FAM200B: variants seen among roughly 807,000 people sequenced by gnomAD.
FAM200B encodes the protein zinc finger BED-type containing 11.
Under a neutral mutation model 33.1 loss-of-function variants are expected in FAM200B, and 32 were observed. The observed-to-expected ratio is 0.97, with a 90% CI of 0.73 to 1.30. The LOEUF (loss-of-function observed/expected upper bound fraction) is 1.30, where lower values mean the gene tolerates loss of function less well. FAM200B is among the 50% of genes most tolerant of loss of function. The pLI, the probability that FAM200B is intolerant of heterozygous loss-of-function variation, is 0.00. For missense variants in FAM200B, 741 were observed against 754.0 expected (o/e 0.98, Z 0.20); for synonymous variants, 240 against 264.8 (o/e 0.91, Z 0.91).
rs1553859871 is a variant in FAM200B at position 15,687,227 on chromosome 4, C to A, written c.250C>A (p.Pro84Thr). 6 of 1,542,578 alleles carry A rather than the reference C, an allele frequency of 3.9e-6. No homozygotes were observed. Among genetic ancestry groups the A allele is most frequent in the South Asian group, 1.2e-5 (1 of 81,592 alleles). The change falls in exon 2 of 2, where the codon CCT becomes ACT. Residue 84 changes from proline to threonine, a missense_variant. By Grantham distance (38) the Pro-to-Thr change is conservative. Transcript: ENST00000422728. ...TGAAAAACCCTTTGAAAATGACAGA[C>A]CTCAGTGTGTTATTTGTAATAATAT... ...KCEKPFENDR[P>T]QCVICNNILA...
At chr4:15,640,697 C>T in the FAM200B span, 3 of 610,022 alleles carry the variant, frequency 4.9e-6, no homozygotes, top group East Asian at 9.4e-5. Flanking sequence ...CCAGATACAT[C>T]TTCCTATGCA....
chr4:15,657,005 TAAG>T, the FAM200B span, among the ~76,000 whole-genome samples: 1 of 150,032 alleles, frequency 6.7e-6, no homozygotes, highest in Non-Finnish European at 1.5e-5. Context: ...CAGTCTGTCT[TAAG>T]AAGCAGGAAT....
chr4:15,662,943 C>G, the FAM200B span, among the ~76,000 whole-genome samples: 1 of 152,096 alleles, frequency 6.6e-6, no homozygotes, highest in Non-Finnish European at 1.5e-5. Context: ...ATAACTGACC[C>G]ATAAAACAAT....
At chr4:15,646,868 G>C in the FAM200B span, among the ~76,000 whole-genome samples, 2 of 151,834 alleles carry the variant, frequency 1.3e-5, no homozygotes, top group African/African-American at 2.4e-5. Context: ...TTTTTTTAAT[G>C]GCAAAAAGTA....
chr4:15,687,868 T>C lies in FAM200B; in HGVS notation c.891T>C (p.Asp297=). The change falls in exon 2 of 2, where the codon GAT becomes GAC. Residue 297 remains aspartate (D), a synonymous_variant. Transcript: ENST00000422728. ...AAAACTGTAAAGGAATTACAAGTGA[T>C]GGCACAGCAACCATGACTGGAAAAC... ...NWKNCKGITS[D]GTATMTGKHS... is the part of the protein sequence containing the mutation. The C allele has an allele frequency of 1.3e-6, 2 of 1,551,314 alleles. No homozygotes were observed. Among genetic ancestry groups the C allele is most frequent in the Non-Finnish European group, 1.7e-6 (2 of 1,146,756 alleles).
At chr4:15,664,550 C>CTT in the FAM200B span, among the ~76,000 whole-genome samples, 3,391 of 75,480 alleles carry the variant, frequency 0.045, 170 homozygotes, top group Non-Finnish European at 0.054. Flanking sequence ...GGCCCTCATC[C>CTT]TTTTTTTTTT....
rs1719276682 is a variant in FAM200B at position 15,690,386 on chromosome 4, C to G, written c.*1435C>G. 6.0e-6 allele frequency: 1 copy of G among 166,598 alleles called. No individual in the cohort carries two copies. The highest frequency in any genetic ancestry group is 1.5e-5 in the Non-Finnish European group (1 of 68,060). The allele number at this position is 166,598 out of a possible 1,614,324, so 10.3% of individuals were successfully genotyped here. ...TATTTAATTTTTCAGATTTTCTGTTCTATTGAAGGTAATTGATTTTTTCTT... is the reference window on the plus strand; with the variant it reads ...TATTTAATTTTTCAGATTTTCTGTTGTATTGAAGGTAATTGATTTTTTCTT... On this transcript the variant is annotated 3_prime_UTR_variant, in exon 2 of 2. Coordinates refer to ENST00000422728, the MANE Select transcript of FAM200B (RefSeq NM_001145191.2).
upstream of FAM200B, among the ~76,000 whole-genome samples, chr4:15,679,562 C>CAAAAAAAAAA (rs1202369624): frequency 1.1e-5 from 1 of 94,402 alleles, no homozygotes; most frequent in Non-Finnish European, 2.3e-5. Context: ...AGTTCAGGAA[C>CAAAAAAAAAA]AAAAAAAAAA....
chr4:15,687,885 C>T lies in FAM200B; in HGVS notation c.908C>T (p.Thr303Ile), dbSNP rs984640072. 1.6e-5 allele frequency: 25 copies of T among 1,550,890 alleles called. No individual in the cohort carries two copies. The highest frequency in any genetic ancestry group is 2.4e-5 in the South Asian group (2 of 84,006). Residue 303 changes from threonine to isoleucine, a missense_variant, in exon 2 of 2, where the codon ACT (threonine) becomes ATT (isoleucine). Transcript: ENST00000422728. ...ACAAGTGATGGCACAGCAACCATGA[C>T]TGGAAAACATAGCAGAGTAATTAAA... ...GITSDGTATM[T>I]GKHSRVIKKL...
At chr4:15,682,043 G>C (rs1166021152) in intron 1 of FAM200B, 142 bp downstream of exon 1, 2 of 152,334 alleles carry the variant, frequency 1.3e-5, no homozygotes, top group African/African-American at 4.8e-5. Context: ...AGCAATCCGG[G>C]CCTGAAGGGC....
chr4:15,643,324 G>C, the FAM200B span, among the ~76,000 whole-genome samples: 7 of 152,180 alleles, frequency 4.6e-5, no homozygotes, highest in Admixed American at 2.0e-4. Flanking sequence ...CTCCAGGTGA[G>C]GAGCACATGG....
the FAM200B span, among the ~76,000 whole-genome samples, chr4:15,663,226 A>G: frequency 6.6e-6 from 1 of 152,216 alleles, no homozygotes. Context: ...ATACATTGAT[A>G]ATAGTCATTC....
At chr4:15,654,551 G>A in the FAM200B span, among the ~76,000 whole-genome samples, 3 of 152,152 alleles carry the variant, frequency 2.0e-5, no homozygotes, top group African/African-American at 7.2e-5. Context: ...TAAGTGTTCA[G>A]GGCAATAAAA....
At chr4:15,663,789 C>A in the FAM200B span, among the ~76,000 whole-genome samples, 2 of 152,094 alleles carry the variant, frequency 1.3e-5, no homozygotes, top group Non-Finnish European at 2.9e-5. Flanking sequence ...TTCAGTAAGT[C>A]CAAAAGTGAA....
the FAM200B span, among the ~76,000 whole-genome samples, chr4:15,653,898 A>T: frequency 2.6e-5 from 4 of 152,246 alleles, no homozygotes; most frequent in East Asian, 7.7e-4. Context: ...TGACCTAGAC[A>T]TCAGGACTTC....
the FAM200B span, chr4:15,638,645 T>A: frequency 3.7e-6 from 6 of 1,612,308 alleles, no homozygotes; most frequent in Middle Eastern, 1.7e-4. Flanking sequence ...CTTTTTAATA[T>A]CCTTAAGCTC....
At chr4:15,651,619 C>T in the FAM200B span, among the ~76,000 whole-genome samples, 4 of 152,142 alleles carry the variant, frequency 2.6e-5, no homozygotes, top group Non-Finnish European at 5.9e-5. Context: ...TAAAGCTATA[C>T]TCACTCATTT....
intron 1 of FAM200B, among the ~76,000 whole-genome samples, chr4:15,683,798 A>G (rs1235789973): frequency 1.3e-5 from 2 of 152,190 alleles, no homozygotes; most frequent in African/African-American, 4.8e-5. Flanking sequence ...ATATAGTTGG[A>G]TAACTTATTT....
chr4:15,680,113 A>G (rs1342028429), upstream of FAM200B, among the ~76,000 whole-genome samples: 1 of 152,028 alleles, frequency 6.6e-6, no homozygotes, highest in Non-Finnish European at 1.5e-5. Flanking sequence ...ATACAGTAAA[A>G]CAGGAAAAAA....
Sources: gnomAD v4.1 joint callset for allele counts (sites outside exome capture counted in the v4.1 genomes callset) on GRCh38, gnomAD v4.1.1 for gene constraint, MANE v1.5 for transcripts, NCBI Gene and HGNC (gene_info 2026-07-23, HGNC 2026-07-21) for gene names.